Variants in ARVCF observed in about 807,000 individuals in gnomAD.
The protein encoded by ARVCF is splicing regulator ARVCF.
In ARVCF, 66 loss-of-function variants were observed where a neutral mutation model predicts 90.9. The observed-to-expected ratio is 0.73, with a 90% CI of 0.60 to 0.89. ARVCF has a LOEUF of 0.89. Ranked by LOEUF, ARVCF falls within the 40% of genes least tolerant of loss-of-function variation. The pLI, the probability that ARVCF is intolerant of heterozygous loss-of-function variation, is 0.00. For missense variants in ARVCF, 1,469 were observed against 1,382.3 expected (o/e 1.06, Z -1.00); for synonymous variants, 653 against 603.4 (o/e 1.08, Z -1.21).
chr22:19,979,242 C>T (rs1943341775), intron 6 of ARVCF, 162 bp from the exon 7 acceptor site: 4 of 774,480 alleles, frequency 5.2e-6, no homozygotes, highest in East Asian at 5.5e-5. Flanking sequence ...ACACCCAGTA[C>T]TGGTTTCCAG....
rs748275533 is a variant in ARVCF at position 19,974,097 on chromosome 22, G to C, written c.2088+15C>G. 2 of 1,599,780 alleles carry C rather than the reference G, an allele frequency of 1.3e-6. No individual in the cohort carries two copies. The highest frequency in any genetic ancestry group is 2.2e-5 in the East Asian group (1 of 44,614). The stretch of plus-strand genomic sequence containing the variant: ...CTCTCAGGACTTGCCCACCCTGCCC[G>C]ACCTGGTCCCTCACCATCCAGTTGC... On this transcript the variant is annotated intron_variant, in intron 12 of 19. Coordinates refer to ENST00000263207, the MANE Select transcript of ARVCF (RefSeq NM_001670.3).
chr22:20,007,132 C>T (rs1254373073), intron 2 of ARVCF, among the ~76,000 whole-genome samples: 1 of 152,074 alleles, frequency 6.6e-6, no homozygotes, highest in African/African-American at 2.4e-5. Flanking sequence ...GGAGCGGTGG[C>T]TCACACCTGT....
At position 19,981,936 on chromosome 22, in the gene ARVCF, G is replaced by T; in HGVS notation, c.366C>A (p.Thr122=). The stretch of plus-strand genomic sequence containing the variant: ...CACTGCCTGGGCCTGGCCATACCTT[G>T]GTCTCGGTGCGCCGGGTTGTGCCAT... ...SEDGTTRRTE[T]KVTKTVKTVT... The change falls in exon 4 of 20, where the codon ACC becomes ACA. Residue 122 remains threonine, a synonymous_variant. Coordinates refer to ENST00000263207, the MANE Select transcript of ARVCF (RefSeq NM_001670.3). The T allele has an allele frequency of 6.2e-7, 1 of 1,612,448 alleles. No individual in the cohort carries two copies. Among genetic ancestry groups the T allele is most frequent in the Non-Finnish European group, 8.5e-7 (1 of 1,179,704 alleles).
downstream of ARVCF, chr22:19,967,302 G>A (rs559908437): frequency 9.8e-5 from 99 of 1,014,186 alleles, no homozygotes; most frequent in Admixed American, 5.3e-4. Flanking sequence ...GGCCCAGACT[G>A]GAAGGCAGCC....
At chr22:19,990,932 C>T (rs928845886) in intron 2 of ARVCF, 120 bp from the exon 3 acceptor site, 1 of 979,300 alleles carries the variant, frequency 1.0e-6, no homozygotes, top group Non-Finnish European at 1.5e-6. Context: ...GCATCCAGCC[C>T]TCTAGAGGGA....
intron 1 of ARVCF, among the ~76,000 whole-genome samples, chr22:20,012,877 C>T (rs554765279): frequency 6.6e-6 from 1 of 152,402 alleles, no homozygotes; most frequent in South Asian, 2.1e-4. Flanking sequence ...GCTGACGGCA[C>T]AGGGCAGCTC....
intron 2 of ARVCF, among the ~76,000 whole-genome samples, chr22:19,992,090 G>A (rs1194442945): frequency 6.6e-6 from 1 of 152,206 alleles, no homozygotes; most frequent in African/African-American, 2.4e-5. Flanking sequence ...GCTCAGCTGC[G>A]CCAGCAACAC....
At chr22:19,987,508 G>A (rs1277489573) in intron 3 of ARVCF, among the ~76,000 whole-genome samples, 1 of 151,844 alleles carries the variant, frequency 6.6e-6, no homozygotes, top group African/African-American at 2.4e-5. Flanking sequence ...GTTTGGCCTC[G>A]GTTTATGACC....
intron 1 of ARVCF, among the ~76,000 whole-genome samples, chr22:20,011,720 C>T (rs1012465446): frequency 6.6e-6 from 1 of 152,208 alleles, no homozygotes; most frequent in African/African-American, 2.4e-5. Context: ...CACTGCGCCC[C>T]GAGGAAGAGG....
chr22:19,988,353 C>T (rs1256827094), intron 3 of ARVCF, among the ~76,000 whole-genome samples: 1 of 152,246 alleles, frequency 6.6e-6, no homozygotes, highest in Non-Finnish European at 1.5e-5. Context: ...AGACCAGACA[C>T]TGCGCCAAAA....
At chr22:19,967,265 C>T (rs757163724), downstream of ARVCF, 3 of 1,252,650 alleles carry the variant, frequency 2.4e-6, no homozygotes, top group East Asian at 1.1e-4. Flanking sequence ...AGTCCAGGAG[C>T]CCAGGCCCCT....
intron 2 of ARVCF, among the ~76,000 whole-genome samples, chr22:19,993,025 A>G (rs2238789): frequency 0.92 from 139,779 of 152,236 alleles, 64,739 homozygotes; most frequent in African/African-American, 0.97. Context: ...TCTCCCTGGA[A>G]ACATCCAGAA....
chr22:19,967,166 G>A (rs774694408), downstream of ARVCF: 75 of 1,303,846 alleles, frequency 5.8e-5, no homozygotes, highest in African/African-American at 8.4e-4. Context: ...TCGTGCAGGT[G>A]CAGTGGTCTG....
At chr22:19,991,610 C>G (rs1205025844) in intron 2 of ARVCF, among the ~76,000 whole-genome samples, 2 of 152,250 alleles carry the variant, frequency 1.3e-5, no homozygotes, top group Non-Finnish European at 2.9e-5. Flanking sequence ...TGGGATTGGG[C>G]CTGCTGGGCC....
chr22:19,973,168 G>A lies in ARVCF; in HGVS notation c.2389C>T (p.Leu797Phe), dbSNP rs538460279. 31 of 1,610,606 alleles carry A rather than the reference G, an allele frequency of 1.9e-5. No homozygotes were observed. The highest frequency in any genetic ancestry group is 1.7e-4 in the South Asian group (15 of 90,744). Reference sequence around the variant, plus strand: ...GCTGGCACCCCGCGTGCCTGCAGGAGCGAGCGCGCGTTATCCAGGCTGTCG... The same window carrying A: ...GCTGGCACCCCGCGTGCCTGCAGGAACGAGCGCGCGTTATCCAGGCTGTCG... The part of the protein sequence containing the change: ...VSDSLDNARS[L>F]LQARGVPALV... Residue 797 changes from leucine (L) to phenylalanine (F), a missense_variant, in exon 14 of 20, where the codon CTC becomes TTC. Coordinates refer to ENST00000263207, the MANE Select transcript of ARVCF (RefSeq NM_001670.3).
Position 19,981,752 on chromosome 22 carries a change from G to C in ARVCF, c.370-15C>G. ...GTCTTGGTGACCTGGTGGATGGATA[G>C]GCAGGTAGGTGGGGTAGCACGAGAG... is the stretch of plus-strand genomic sequence containing the variant. On this transcript the variant is annotated splice_polypyrimidine_tract_variant and intron_variant, in intron 4 of 19. Coordinates refer to ENST00000263207, the MANE Select transcript of ARVCF (RefSeq NM_001670.3). The C allele has an allele frequency of 6.4e-7, 1 of 1,556,472 alleles. No homozygotes were observed. The highest frequency in any genetic ancestry group is 8.7e-7 in the Non-Finnish European group (1 of 1,148,994).
At chr22:19,979,217 G>A in intron 6 of ARVCF, 137 bp from the exon 7 acceptor site, 4 of 984,990 alleles carry the variant, frequency 4.1e-6, no homozygotes, top group East Asian at 2.6e-5. Flanking sequence ...CAAAAGCCGT[G>A]AGTGGTTCCG....
intron 1 of ARVCF, among the ~76,000 whole-genome samples, chr22:20,013,376 G>T (rs555531634): frequency 6.6e-6 from 1 of 152,340 alleles, no homozygotes; most frequent in South Asian, 2.1e-4. Context: ...GCCTGTGTGT[G>T]GTCACCCACC....
chr22:19,981,075 G>A (rs763552404), intron 5 of ARVCF, 136 bp downstream of exon 5: 103 of 1,204,208 alleles, frequency 8.6e-5, no homozygotes, highest in Non-Finnish European at 1.2e-4. Flanking sequence ...TGTCCCTGAC[G>A]AGAGCCAAGG....
Sources: allele counts gnomAD v4.1 joint callset (sites outside exome capture counted in the v4.1 genomes callset), GRCh38; gene constraint gnomAD v4.1.1; transcripts MANE v1.5; gene names NCBI Gene and HGNC (gene_info 2026-07-23, HGNC 2026-07-21).